Variants in ZNF91 observed in about 807,000 individuals in gnomAD.
ZNF91 encodes zinc finger protein 91.
ZNF91 carries 7 observed loss-of-function variants against 12.6 expected under a neutral mutation model. The ratio of observed to expected loss-of-function variants is 0.55; its 90% CI spans 0.31 to 1.04. The LOEUF is 1.04. Among genes scored for constraint, ZNF91 ranks in the 50% least tolerant of loss-of-function variants. The probability of loss-of-function intolerance (pLI) is 0.05; values close to 1 mark genes in which losing one functional copy is unlikely to be tolerated. For synonymous variants in ZNF91, 453 were observed against 462.6 expected, an observed-to-expected ratio of 0.98 and a Z score of 0.27; for missense variants, 1,217 against 1,385.4, an observed-to-expected ratio of 0.88 and a Z score of 1.93.
rs532787691 is a variant in ZNF91, at chr19:23,365,154, T to C, written c.254-2429A>G. On this transcript the variant is annotated intron_variant, in intron 3 of 3. Coordinates refer to ENST00000300619, the MANE Select transcript of ZNF91 (RefSeq NM_003430.4). Reference sequence around the variant, plus strand: ...CTTGAAAATAAAAAAAGGTGAGAAATTCCCAAATTTTGATGTAATAAAAGA... The same window carrying C: ...CTTGAAAATAAAAAAAGGTGAGAAACTCCCAAATTTTGATGTAATAAAAGA... 5.4e-4 allele frequency among the ~76,000 whole-genome samples: 82 copies of C among 151,888 alleles called. 1 individual carries two copies. The highest frequency in any genetic ancestry group is 2.0e-3 in the African/African-American group (81 of 41,448).
chr19:23,329,653 A>C (rs1157229596), intron 1 of ZNF91, among the ~76,000 whole-genome samples: 1 of 152,202 alleles, frequency 6.6e-6, no homozygotes, highest in Admixed American at 6.5e-5. Context: ...GTATTTGTCT[A>C]GCCAGCATTT....
rs1403550986 is a variant in ZNF91, at chr19:23,359,869, A to G, written c.3110T>C (p.Leu1037Pro). The G allele has an allele frequency of 4.4e-6, 7 of 1,589,612 alleles. No homozygotes were observed. The highest frequency in any genetic ancestry group is 6.0e-6 in the Non-Finnish European group (7 of 1,160,972). The change falls in exon 4 of 4, where the codon CTT (leucine) becomes CCT (proline). Residue 1037 changes from leucine (L) to proline (P), a missense_variant. Transcript: ENST00000300619. ...AGTATGAATTATCTTATGTGTAGTAAGCTTTGAGGATCGATTAAAAGCTTT... is the reference window on the plus strand; with the variant it reads ...AGTATGAATTATCTTATGTGTAGTAGGCTTTGAGGATCGATTAAAAGCTTT... ...CGKAFNRSSK[L>P]TTHKIIHTGE... is the part of the protein sequence containing the mutation.
chr19:23,393,930 G>C (rs989680403), intron 1 of ZNF91, among the ~76,000 whole-genome samples: 5 of 152,128 alleles, frequency 3.3e-5, no homozygotes, highest in Admixed American at 3.3e-4. Flanking sequence ...AGCCCAGTAG[G>C]CGGAGGTTGT....
chr19:23,323,026 C>T (rs998243578), intron 1 of ZNF91, among the ~76,000 whole-genome samples: 4 of 40,758 alleles, frequency 9.8e-5, no homozygotes, highest in African/African-American at 2.1e-4. Flanking sequence ...TTTTTCTCCT[C>T]GTCCTTTCTC....
At chr19:23,393,063 G>T (rs1356796746) in intron 1 of ZNF91, among the ~76,000 whole-genome samples, 3 of 150,948 alleles carry the variant, frequency 2.0e-5, no homozygotes, top group African/African-American at 7.3e-5. Flanking sequence ...GTTTTTTTTT[G>T]TTTTTTGTCT....
chr19:23,334,104 G>C (rs1194104240), downstream of ZNF91, among the ~76,000 whole-genome samples: 1 of 152,200 alleles, frequency 6.6e-6, no homozygotes, highest in African/African-American at 2.4e-5. Context: ...TCCATGTGTA[G>C]AGGAAGAGTG....
rs1968850786 is a variant in ZNF91 at position 23,362,540 on chromosome 19, T to C, written c.439A>G (p.Thr147Ala). The C allele has an allele frequency of 6.2e-7, 1 of 1,600,794 alleles. No homozygotes were observed. The highest frequency in any genetic ancestry group is 8.5e-7 in the Non-Finnish European group (1 of 1,174,726). Residue 147 changes from threonine (T) to alanine (A), a missense_variant, in exon 4 of 4, where the codon ACA becomes GCA. This residue lies in a region of ZNF91 where 726 missense variants were observed against 895.5 expected (regional missense o/e 0.81). Coordinates refer to ENST00000300619, the MANE Select transcript of ZNF91 (RefSeq NM_003430.4). ...EGYNKLNQCL[T>A]TAQSKVFQCG... The stretch of plus-strand genomic sequence containing the variant: ...TGAAATACTTTGCTCTGGGCAGTTG[T>C]GAGACACTGGTTAAGTTTATTATAA...
intron 1 of ZNF91, among the ~76,000 whole-genome samples, chr19:23,381,941 G>A (rs1352370470): frequency 6.7e-6 from 1 of 149,286 alleles, no homozygotes; most frequent in Non-Finnish European, 1.5e-5. Flanking sequence ...GAGCAAGACT[G>A]AACAAATCTG....
At chr19:23,362,873 T>C in intron 3 of ZNF91, 148 bp from the exon 4 acceptor site, 1 of 1,199,014 alleles carries the variant, frequency 8.3e-7, no homozygotes, top group Non-Finnish European at 1.1e-6. Context: ...TATTTTTGTT[T>C]TTTTGTTTGT....
At chr19:23,342,796 A>C (rs547643016) in intron 3 of ZNF91, among the ~76,000 whole-genome samples, 1 of 151,834 alleles carries the variant, frequency 6.6e-6, no homozygotes, top group African/African-American at 2.4e-5. Flanking sequence ...ATAGTTCTCT[A>C]ACATTGCATC....
At chr19:23,313,785 T>C (rs1356812352), upstream of ZNF91, among the ~76,000 whole-genome samples, 1 of 152,224 alleles carries the variant, frequency 6.6e-6, no homozygotes, top group East Asian at 1.9e-4. Context: ...GGTGGGTTGG[T>C]GAATCTCAGA....
upstream of ZNF91, among the ~76,000 whole-genome samples, chr19:23,312,491 A>G (rs1967486747): frequency 6.6e-6 from 1 of 152,222 alleles, no homozygotes; most frequent in Admixed American, 6.5e-5. Context: ...AGAGTCCAAG[A>G]CACAGGTGAG....
intron 1 of ZNF91, chr19:23,326,857 G>A (rs1878753602): frequency 6.6e-6 from 1 of 152,162 alleles, no homozygotes; most frequent in Non-Finnish European, 1.5e-5. Context: ...ACAAAAGCTG[G>A]CTCAGCTTAA....
intron 1 of ZNF91, among the ~76,000 whole-genome samples, chr19:23,377,970 T>TA (rs960980855): frequency 6.6e-6 from 1 of 152,132 alleles, no homozygotes; most frequent in Non-Finnish European, 1.5e-5. Context: ...CTCATTTTTT[T>TA]AAAAAAATGC....
At chr19:23,377,800 A>G (rs536854267) in intron 1 of ZNF91, among the ~76,000 whole-genome samples, 4 of 152,330 alleles carry the variant, frequency 2.6e-5, no homozygotes, top group Non-Finnish European at 4.4e-5. Context: ...ATGTTTATTA[A>G]GCAGGTACTA....
In ZNF91 at chr19:23,362,483, A is replaced by G. The variant is rs1568387043; in HGVS notation, c.496T>C (p.Phe166Leu). ...CGKYLKVFYK[F>L]LNSNRHTIRH... The stretch of plus-strand genomic sequence containing the variant: ...ATCGTATGTCTGTTTGAATTTAAAA[A>G]TTTATAGAAGACTTTCAAATATTTC... The change falls in exon 4 of 4, where the codon TTT becomes CTT. Residue 166 changes from phenylalanine (F) to leucine (L), a missense_variant. Around this residue, in one of 2 missense-constraint regions of ZNF91, gnomAD observed 726 missense variants for 895.5 expected, o/e 0.81. Coordinates refer to ENST00000300619, the MANE Select transcript of ZNF91 (RefSeq NM_003430.4). The G allele has an allele frequency of 2.5e-6, 4 of 1,604,422 alleles. No homozygotes were observed. In the Admixed American group the frequency reaches 7.0e-5, roughly 28 times the overall value.
intron 1 of ZNF91, among the ~76,000 whole-genome samples, chr19:23,333,195 G>A (rs1032425692): frequency 1.3e-4 from 20 of 152,174 alleles, no homozygotes; most frequent in Non-Finnish European, 1.5e-5. Context: ...ATTTCAAACT[G>A]TACACTCATA....
chr19:23,393,689 C>T (rs1429832819), intron 1 of ZNF91, among the ~76,000 whole-genome samples: 2 of 151,172 alleles, frequency 1.3e-5, no homozygotes, highest in East Asian at 3.9e-4. Context: ...AATGTGCCAT[C>T]AAATGCTTTG....
intron 1 of ZNF91, among the ~76,000 whole-genome samples, chr19:23,316,412 C>A (rs540820592): frequency 6.6e-6 from 1 of 152,188 alleles, no homozygotes; most frequent in Non-Finnish European, 1.5e-5. Context: ...TTGGGCCTTG[C>A]CCACAGAAAG....
Sources: allele counts gnomAD v4.1 joint callset (sites outside exome capture counted in the v4.1 genomes callset), GRCh38; gene constraint gnomAD v4.1.1; regional missense constraint gnomAD v4.1.1; transcripts MANE v1.5; gene names NCBI Gene and HGNC (gene_info 2026-07-23, HGNC 2026-07-21).